GSK3B: variants seen among roughly 807,000 people sequenced by gnomAD.
GSK3B encodes the protein glycogen synthase kinase 3 beta, also known as glycogen synthase kinase-3 beta.
In GSK3B, 15 loss-of-function variants were observed where a neutral mutation model predicts 56.4. The ratio of observed to expected loss-of-function variants is 0.27; its 90% confidence interval spans 0.18 to 0.41. The LOEUF (loss-of-function observed/expected upper bound fraction) is 0.41. GSK3B is among the 10% of genes least tolerant of loss of function. The pLI is 1.00. For synonymous variants in GSK3B, 181 were observed against 188.9 expected, an observed-to-expected ratio of 0.96 and a Z score of 0.34; for missense variants, 300 against 513.4, an observed-to-expected ratio of 0.58 and a Z score of 4.02.
chr3:119,944,338 T>C (rs1159401737), intron 3 of GSK3B, among the ~76,000 whole-genome samples: 2 of 152,096 alleles, frequency 1.3e-5, no homozygotes, highest in African/African-American at 4.8e-5. Flanking sequence ...AAAACCTGGA[T>C]CTCACCTAAA....
At chr3:119,957,677 C>T (rs1033275903) in intron 2 of GSK3B, among the ~76,000 whole-genome samples, 3 of 152,318 alleles carry the variant, frequency 2.0e-5, no homozygotes, top group African/African-American at 7.2e-5. Context: ...TTCACAACTT[C>T]AATCCTCTCC....
intron 1 of GSK3B, among the ~76,000 whole-genome samples, chr3:120,016,501 G>A (rs185403950): frequency 2.0e-5 from 3 of 152,056 alleles, no homozygotes; most frequent in African/African-American, 7.2e-5. Flanking sequence ...TGAAAAACTC[G>A]TGTCCTACTA....
At chr3:119,884,089 T>C (rs9869296) in intron 7 of GSK3B, among the ~76,000 whole-genome samples, 2,637 of 152,158 alleles carry the variant, frequency 0.017, 80 homozygotes, top group African/African-American at 0.061. Context: ...AAGATGGGCA[T>C]ACAAATATAC....
chr3:120,094,123 G>T lies in GSK3B; in HGVS notation c.-689C>A, dbSNP rs1218967277. On this transcript the variant is annotated 5_prime_UTR_variant, in exon 1 of 11. Coordinates refer to ENST00000264235, the MANE Select transcript of GSK3B (RefSeq NM_001146156.2). ...GGCTGGATCCAGCGGCCATGGCGGT[G>T]GCGGAGGCAGCTCCCTTCAGACCCC... 2.6e-5 allele frequency: 6 copies of T among 229,694 alleles called. No homozygotes were observed. In the South Asian group the frequency reaches 4.0e-4, roughly 15 times the overall value. 14.2% of individuals were successfully genotyped at this position (229,694 alleles called of 1,614,324 possible). A position where few individuals can be genotyped will look rare whatever the true frequency, so the allele number is the denominator to read the frequency against.
chr3:119,833,099 T>A, intron 10 of GSK3B: 1 of 380,398 alleles, frequency 2.6e-6, no homozygotes, highest in Non-Finnish European at 3.6e-6. Flanking sequence ...TTTCTTGCCT[T>A]GATTCCTTGC....
chr3:119,879,072 G>A (rs377448583), intron 7 of GSK3B, among the ~76,000 whole-genome samples: 4 of 152,166 alleles, frequency 2.6e-5, no homozygotes, highest in South Asian at 4.1e-4. Context: ...CATAGTAGGT[G>A]TATGTATCTG....
intron 5 of GSK3B, among the ~76,000 whole-genome samples, 156 bp downstream of exon 5, chr3:119,915,888 A>C (rs895042182): frequency 6.6e-6 from 1 of 152,206 alleles, no homozygotes; most frequent in Admixed American, 6.5e-5. Flanking sequence ...ATTTTGACAG[A>C]AACTAACAAA....
At chr3:119,987,826 C>T (rs80165144) in intron 2 of GSK3B, among the ~76,000 whole-genome samples, 13,057 of 152,006 alleles carry the variant, frequency 0.086, 691 homozygotes, top group Non-Finnish European at 0.11. Context: ...AAATATAAAA[C>T]GGTATTTGGC....
intron 2 of GSK3B, among the ~76,000 whole-genome samples, chr3:119,976,789 A>G (rs928710063): frequency 2.0e-5 from 3 of 151,324 alleles, no homozygotes; most frequent in African/African-American, 7.3e-5. Context: ...AAAAAAATAG[A>G]AAGGTTTTAG....
At chr3:119,891,959 G>T (rs1381988453) in intron 7 of GSK3B, among the ~76,000 whole-genome samples, 1 of 152,088 alleles carries the variant, frequency 6.6e-6, no homozygotes, top group Non-Finnish European at 1.5e-5. Context: ...TACCTAGTTA[G>T]AAATTTATCC....
At chr3:119,994,590 G>C (rs150463108) in intron 2 of GSK3B, among the ~76,000 whole-genome samples, 232 of 152,166 alleles carry the variant, frequency 1.5e-3, no homozygotes, top group Middle Eastern at 3.4e-3. Context: ...TCATTAACTA[G>C]ACAGACATCA....
intron 1 of GSK3B, among the ~76,000 whole-genome samples, chr3:120,075,152 T>G (rs1295954447): frequency 6.6e-6 from 1 of 152,188 alleles, no homozygotes; most frequent in Non-Finnish European, 1.5e-5. Flanking sequence ...TCATATCAAC[T>G]GACAGAAAAA....
At chr3:119,993,716 T>C (rs2057588343) in intron 2 of GSK3B, among the ~76,000 whole-genome samples, 1 of 152,220 alleles carries the variant, frequency 6.6e-6, no homozygotes, top group Admixed American at 6.5e-5. Flanking sequence ...GAGTGAACTC[T>C]GTGATGTTGC....
intron 2 of GSK3B, among the ~76,000 whole-genome samples, chr3:119,954,250 A>T (rs978438403): frequency 1.5e-5 from 2 of 136,058 alleles, no homozygotes; most frequent in African/African-American, 2.8e-5. Flanking sequence ...AATAGAATAG[A>T]ATAGAATAGA....
rs1165510518 is a variant in GSK3B at position 119,821,450 on chromosome 3, T to C, written c.*5338A>G. Reference sequence around the variant, plus strand: ...TTTTTGCACTAAGAGACATAACATGTTTACATACATCATCCAGTATTGGAA... The same window carrying C: ...TTTTTGCACTAAGAGACATAACATGCTTACATACATCATCCAGTATTGGAA... On this transcript the variant is annotated 3_prime_UTR_variant, in exon 11 of 11. Transcript: ENST00000264235. 6.6e-6 allele frequency: 1 copy of C among 152,194 alleles called. No homozygotes were observed. Among genetic ancestry groups the C allele is most frequent in the Non-Finnish European group, 1.5e-5 (1 of 68,040 alleles). The allele number at this position is 152,194 out of a possible 1,614,324, so 9.4% of individuals were successfully genotyped here.
intron 1 of GSK3B, among the ~76,000 whole-genome samples, chr3:120,038,148 C>T (rs76947920): frequency 2.5e-4 from 38 of 152,268 alleles, no homozygotes; most frequent in East Asian, 7.7e-4. Context: ...AGAGCCCAGG[C>T]GCTTACTCAA....
chr3:119,875,498 G>GACACACAC (rs66880409), intron 8 of GSK3B, among the ~76,000 whole-genome samples: 3 of 144,918 alleles, frequency 2.1e-5, no homozygotes, highest in Non-Finnish European at 3.0e-5. Flanking sequence ...GGTAACCCGT[G>GACACACAC]ACACACACAC....
chr3:120,063,727 CA>C (rs58811446), intron 1 of GSK3B, among the ~76,000 whole-genome samples: 23,543 of 81,730 alleles, frequency 0.29, 2,135 homozygotes, highest in African/African-American at 0.37. Flanking sequence ...GACTCTGTCT[CA>C]AAAAAAAAAA....
At chr3:120,028,483 C>T (rs1399015495) in intron 1 of GSK3B, among the ~76,000 whole-genome samples, 1 of 152,210 alleles carries the variant, frequency 6.6e-6, no homozygotes, top group Non-Finnish European at 1.5e-5. Flanking sequence ...CACCTCATAT[C>T]CTTGTTTACG....
Sources: allele counts gnomAD v4.1 joint callset (sites outside exome capture counted in the v4.1 genomes callset), GRCh38; gene constraint gnomAD v4.1.1; transcripts MANE v1.5; gene names NCBI Gene and HGNC (gene_info 2026-07-23, HGNC 2026-07-21).